The following CSF2RA variants were observed in gnomAD, a reference collection of about 807,000 sequenced individuals.
CSF2RA encodes the protein granulocyte-macrophage colony-stimulating factor receptor subunit alpha.
A neutral mutation model predicts 51.6 loss-of-function variants in CSF2RA; 42 were observed. The ratio of observed to expected loss-of-function variants is 0.81; its 90% confidence interval spans 0.64 to 1.05. CSF2RA has a LOEUF of 1.05. CSF2RA is among the 50% of genes least tolerant of loss of function. The pLI is 0.00. For missense variants in CSF2RA, 530 were observed against 501.1 expected, an observed-to-expected ratio of 1.06 and a Z score of -0.55; for synonymous variants, 222 against 193.0, an observed-to-expected ratio of 1.15 and a Z score of -1.24.
intron 2 of CSF2RA, among the ~76,000 whole-genome samples, chrX:1,276,764 C>G (rs1425389427): frequency 1.3e-5 from 2 of 151,994 alleles, no homozygotes; most frequent in Non-Finnish European, 2.9e-5. Context: ...ACTGATTTCC[C>G]ACAGTCTTGT....
At chrX:1,279,596 G>A (rs1426900507) in intron 2 of CSF2RA, among the ~76,000 whole-genome samples, 3 of 151,824 alleles carry the variant, frequency 2.0e-5, no homozygotes, top group Non-Finnish European at 4.4e-5. Flanking sequence ...CCCAGAAGCA[G>A]GCTCCAAGAA....
At chrX:1,284,036 A>C (rs1224796134) in intron 3 of CSF2RA, among the ~76,000 whole-genome samples, 1 of 152,016 alleles carries the variant, frequency 6.6e-6, no homozygotes, top group African/African-American at 2.4e-5. Context: ...GGGAAGACAG[A>C]CAAAGACAGC....
intron 7 of CSF2RA, among the ~76,000 whole-genome samples, chrX:1,290,854 C>G (rs2091331811): frequency 6.6e-6 from 1 of 152,124 alleles, no homozygotes; most frequent in African/African-American, 2.4e-5. Context: ...GAGCAAGACT[C>G]TGTCTCAAAA....
chrX:1,295,686 A>G lies in CSF2RA; in HGVS notation c.810+230A>G, dbSNP rs191678327. The G allele has an allele frequency of 0.12, 62,180 of 518,696 alleles. 5,533 individuals carry two copies. Among genetic ancestry groups the G allele is most frequent in the Admixed American group, 0.24 (6,916 of 29,392 alleles). The allele number at this position is 518,696 out of a possible 1,614,324, so 32.1% of individuals were successfully genotyped here. ...CTGACGACCTCCAGCGTAACCCTAC[A>G]GTCCCCTACTCACCACACCTAGTGT... is the stretch of plus-strand genomic sequence containing the variant. On this transcript the variant is annotated intron_variant, in intron 9 of 12. Transcript: ENST00000381529.
the CSF2RA span, among the ~76,000 whole-genome samples, chrX:1,320,558 C>T: frequency 1.4e-5 from 2 of 147,358 alleles, no homozygotes; most frequent in South Asian, 2.2e-4. Flanking sequence ...AGTGCCATGG[C>T]GTGGTCTTGG....
rs1178390372 is a variant in CSF2RA at position 1,301,587 on chromosome X, C to T, written c.946+961C>T. On this transcript the variant is annotated intron_variant, in intron 10 of 12. Transcript: ENST00000381529. ...CTGGCCAAGGGGAAGCTCTCTCCCT[C>T]TTTTTTTCTTTTTTTTTTTTTTTTT... is the stretch of plus-strand genomic sequence containing the variant. Among the ~76,000 whole-genome samples the T allele has an allele frequency of 1.5e-4, 20 of 135,720 alleles. No homozygotes were observed. The South Asian group carries it at 3.3e-3, about 22-fold the overall frequency. 89.0% of individuals were successfully genotyped at this position (135,720 alleles called of 152,430 possible).
At chrX:1,303,590 G>A (rs1341504568) in intron 10 of CSF2RA, among the ~76,000 whole-genome samples, 3 of 151,508 alleles carry the variant, frequency 2.0e-5, no homozygotes, top group African/African-American at 7.3e-5. Flanking sequence ...TGGTCAGGCT[G>A]GTCTCGAACT....
the CSF2RA span, among the ~76,000 whole-genome samples, chrX:1,317,246 C>CCTTTTTT: frequency 6.7e-3 from 390 of 57,868 alleles, 22 homozygotes; most frequent in African/African-American, 0.028. Context: ...CCACGCTCAG[C>CCTTTTTT]TTTTTTTTTT....
the CSF2RA span, among the ~76,000 whole-genome samples, chrX:1,315,769 TAATAGATA>T: frequency 2.2e-3 from 250 of 112,892 alleles, 1 homozygote; most frequent in African/African-American, 8.0e-3. Flanking sequence ...ATAAAATAGA[TAATAGATA>T]GATAGATAGA....
chrX:1,294,563 G>A, intron 8 of CSF2RA, 102 bp downstream of exon 8: 1 of 1,512,712 alleles, frequency 6.6e-7, no homozygotes, highest in Middle Eastern at 2.2e-4. Context: ...GGGGAAGGAT[G>A]CGTGGGTGGT....
downstream of CSF2RA, among the ~76,000 whole-genome samples, chrX:1,311,199 A>G (rs1462742520): frequency 6.6e-6 from 1 of 151,696 alleles, no homozygotes; most frequent in East Asian, 2.0e-4. Context: ...CAGTGAGCCA[A>G]GATCACGCCA....
downstream of CSF2RA, among the ~76,000 whole-genome samples, chrX:1,312,921 C>T (rs1367587563): frequency 1.3e-5 from 2 of 152,080 alleles, no homozygotes; most frequent in Non-Finnish European, 2.9e-5. Flanking sequence ...GAGCCAGGCT[C>T]TTGGTGGGGA....
At chrX:1,285,985 A>T in intron 4 of CSF2RA, 65 bp downstream of exon 4, 1 of 1,608,974 alleles carries the variant, frequency 6.2e-7, no homozygotes, top group Non-Finnish European at 8.5e-7. Context: ...TAAAAGCAAC[A>T]GGGCCGGCTG....
chrX:1,270,973 C>A (rs769857350), intron 1 of CSF2RA, among the ~76,000 whole-genome samples: 8 of 151,308 alleles, frequency 5.3e-5, no homozygotes, highest in South Asian at 2.1e-4. Flanking sequence ...GAGGCCACAG[C>A]AATTCCAGAC....
Position 1,285,799 on chromosome X carries a change from C to A in CSF2RA, c.98C>A (p.Ala33Asp). ...EKSDLRTVAP[A>D]SSLNVRFDSR... ...GCAGATCTGCGAACAGTGGCACCAGCCTCTAGTCTCAATGTGAGGTTTGAC... is the reference window on the plus strand; with the variant it reads ...GCAGATCTGCGAACAGTGGCACCAGACTCTAGTCTCAATGTGAGGTTTGAC... Residue 33 changes from alanine (A) to aspartate (D), a missense_variant, in exon 4 of 13, where the codon GCC becomes GAC. Transcript: ENST00000381529. The A allele has an allele frequency of 6.2e-7, 1 of 1,613,192 alleles. No individual in the cohort carries two copies. The highest frequency in any genetic ancestry group is 1.1e-5 in the South Asian group (1 of 91,032).
At chrX:1,300,818 T>C (rs1327508505) in intron 10 of CSF2RA, among the ~76,000 whole-genome samples, 192 bp downstream of exon 10, 1 of 152,062 alleles carries the variant, frequency 6.6e-6, no homozygotes, top group African/African-American at 2.4e-5. Context: ...GCAACATTGC[T>C]TTGCTGATGT....
chrX:1,315,003 C>G (rs73177374), downstream of CSF2RA, among the ~76,000 whole-genome samples: 2,233 of 69,012 alleles, frequency 0.032, 316 homozygotes, highest in African/African-American at 0.098. Context: ...CTGCCCAACC[C>G]CACTGCACCT....
At chrX:1,273,458 G>A (rs1260162832) in intron 1 of CSF2RA, among the ~76,000 whole-genome samples, 1 of 151,892 alleles carries the variant, frequency 6.6e-6, no homozygotes, top group Non-Finnish European at 1.5e-5. Flanking sequence ...GGCGTAATAT[G>A]CATGAGCCAT....
intron 12 of CSF2RA, among the ~76,000 whole-genome samples, chrX:1,306,955 T>G (rs28439048): frequency 0.77 from 115,445 of 150,826 alleles, 45,965 homozygotes; most frequent in Non-Finnish European, 0.89. Context: ...GGGAGGCAGA[T>G]AAAAGACACA....
Sources: gnomAD v4.1 joint callset for allele counts (sites outside exome capture counted in the v4.1 genomes callset) on GRCh38, gnomAD v4.1.1 for gene constraint, MANE v1.5 for transcripts, NCBI Gene and HGNC (gene_info 2026-07-23, HGNC 2026-07-21) for gene names.